LRIG1: variants seen among roughly 807,000 people sequenced by gnomAD.
The protein encoded by LRIG1 is leucine rich repeats and immunoglobulin like domains 1.
LRIG1 carries 48 observed loss-of-function variants against 99.2 expected under a neutral mutation model. That is an observed-to-expected ratio of 0.48 (90% CI 0.38 to 0.62). The LOEUF is 0.62. Ranked by LOEUF, LRIG1 falls within the 20% of genes least tolerant of loss-of-function variation. The pLI, the probability that LRIG1 is intolerant of heterozygous loss-of-function variation, is 0.00. For missense variants in LRIG1, 1,646 were observed against 1,434.4 expected (o/e 1.15, Z -2.38); for synonymous variants, 772 against 596.1 (o/e 1.29, Z -4.30).
chr3:66,491,676 C>T (rs1701104660), intron 1 of LRIG1, among the ~76,000 whole-genome samples: 1 of 151,758 alleles, frequency 6.6e-6, no homozygotes, highest in South Asian at 2.1e-4. Flanking sequence ...AAGCTGTTAA[C>T]TTAAAAAAAA....
intron 3 of LRIG1, among the ~76,000 whole-genome samples, chr3:66,424,484 A>G (rs1173868551): frequency 6.6e-6 from 1 of 152,238 alleles, no homozygotes; most frequent in Non-Finnish European, 1.5e-5. Context: ...TTCCACCTTC[A>G]GGAAACTATC....
In LRIG1 at chr3:66,384,116, T is replaced by C. The variant is rs760063219; in HGVS notation, c.1946A>G (p.His649Arg). ...DFPAARERRM[H>R]VMPDDDVFFI... ...AAACACGTCGTCATCCGGCATGACA[T>C]GCATGCGTCGCTCACGGGCAGCGGG... is the stretch of plus-strand genomic sequence containing the variant. Residue 649 changes from histidine to arginine, a missense_variant, in exon 14 of 19, where the codon CAT (histidine) becomes CGT (arginine). Transcript: ENST00000273261. The C allele has an allele frequency of 1.9e-6, 3 of 1,614,214 alleles. No individual in the cohort carries two copies. Among genetic ancestry groups the C allele is most frequent in the Admixed American group, 1.7e-5 (1 of 60,030 alleles).
rs775148095 is a variant in LRIG1, at chr3:66,417,245, G to T, written c.387C>A (p.Ser129Arg). ...AGGCCTTCAGCTGGCTCCCCTCCAC[G>T]CTGCGAATCTTGTTGTGCTGCCTGA... ...SLFLQHNKIR[S>R]VEGSQLKAYL... is the part of the protein sequence containing the mutation. The change falls in exon 4 of 19, where the codon AGC (serine) becomes AGA (arginine). Residue 129 changes from serine (S) to arginine (R), a missense_variant. Coordinates refer to ENST00000273261, the MANE Select transcript of LRIG1 (RefSeq NM_015541.3). The T allele has an allele frequency of 6.8e-6, 11 of 1,613,860 alleles. No homozygotes were observed. Among genetic ancestry groups the T allele is most frequent in the African/African-American group, 1.3e-5 (1 of 74,912 alleles).
chr3:66,430,281 A>T (rs1278724092), intron 3 of LRIG1, among the ~76,000 whole-genome samples: 1 of 152,246 alleles, frequency 6.6e-6, no homozygotes, highest in African/African-American at 2.4e-5. Context: ...TAACTTTTTT[A>T]AAAAAGGTAG....
chr3:66,408,569 C>T (rs781659484), intron 7 of LRIG1, among the ~76,000 whole-genome samples: 9 of 152,186 alleles, frequency 5.9e-5, no homozygotes, highest in Non-Finnish European at 7.3e-5. Context: ...AGACAGCATG[C>T]CATCCCTGGG....
intron 1 of LRIG1, among the ~76,000 whole-genome samples, chr3:66,464,389 T>C (rs1235894313): frequency 6.6e-6 from 1 of 151,796 alleles, no homozygotes; most frequent in Non-Finnish European, 1.5e-5. Context: ...GCCGCACACC[T>C]AAAGGGGCAT....
intron 4 of LRIG1, 33 bp downstream of exon 4, chr3:66,417,096 G>T (rs753546684): frequency 6.2e-7 from 1 of 1,607,990 alleles, no homozygotes; most frequent in South Asian, 1.1e-5. Context: ...GACACAGCGG[G>T]CCAGCCACAG....
At chr3:66,387,704 T>C (rs1206221184) in intron 12 of LRIG1, 1 of 152,088 alleles carries the variant, frequency 6.6e-6, no homozygotes, top group Admixed American at 6.5e-5. Flanking sequence ...AGAAACTGTC[T>C]CTGAGGGAGC....
intron 1 of LRIG1, among the ~76,000 whole-genome samples, chr3:66,467,489 A>G (rs1329494193): frequency 1.3e-5 from 2 of 151,518 alleles, no homozygotes; most frequent in Non-Finnish European, 1.5e-5. Flanking sequence ...CCTCCCCAGT[A>G]GCTGGGACTA....
chr3:66,380,257 C>A lies in LRIG1; in HGVS notation c.*6G>T. 6.2e-7 allele frequency: 1 copy of A among 1,607,786 alleles called. No homozygotes were observed. Among genetic ancestry groups the A allele is most frequent in the Non-Finnish European group, 8.5e-7 (1 of 1,176,250 alleles). The stretch of plus-strand genomic sequence containing the variant: ...TTGGTATGACAAGAACTGAGGTAGA[C>A]AAAACCTAGCTTTTTGGTGCCAACA... On this transcript the variant is annotated 3_prime_UTR_variant, in exon 19 of 19. Transcript: ENST00000273261.
At chr3:66,495,606 A>G (rs937385384) in intron 1 of LRIG1, among the ~76,000 whole-genome samples, 6 of 152,242 alleles carry the variant, frequency 3.9e-5, no homozygotes, top group Non-Finnish European at 8.8e-5. Context: ...CCTTTACTGC[A>G]TATAACAACT....
intron 9 of LRIG1, chr3:66,404,239 G>A: frequency 1.6e-6 from 2 of 1,289,072 alleles, no homozygotes; most frequent in Non-Finnish European, 2.0e-6. Context: ...CCCTACCACA[G>A]GCTCTCCTCT....
chr3:66,423,540 CA>C (rs1702886868), intron 3 of LRIG1, among the ~76,000 whole-genome samples: 1 of 152,228 alleles, frequency 6.6e-6, no homozygotes. Context: ...CACCGCACTC[CA>C]GCCTGGGCAA....
chr3:66,446,271 G>A (rs568162091), intron 3 of LRIG1, among the ~76,000 whole-genome samples: 15 of 152,170 alleles, frequency 9.9e-5, no homozygotes, highest in Non-Finnish European at 1.6e-4. Context: ...ACTCACCCCC[G>A]GGGAAGGGGG....
chr3:66,394,019 A>T (rs772466220), intron 12 of LRIG1, 21 bp downstream of exon 12: 45 of 1,613,204 alleles, frequency 2.8e-5, no homozygotes, highest in Non-Finnish European at 1.7e-6. Flanking sequence ...AGGAGAGAAA[A>T]AGTTACAAAG....
intron 6 of LRIG1, among the ~76,000 whole-genome samples, chr3:66,411,683 G>A (rs2106674721): frequency 6.6e-6 from 1 of 152,240 alleles, no homozygotes; most frequent in Non-Finnish European, 1.5e-5. Flanking sequence ...CGTTTCCACT[G>A]CCAAGAAAAC....
intron 5 of LRIG1, among the ~76,000 whole-genome samples, chr3:66,413,930 T>C (rs1200864362): frequency 6.6e-6 from 1 of 152,022 alleles, no homozygotes; most frequent in East Asian, 1.9e-4. Context: ...TACTGTCTTA[T>C]TTTCCTGAAA....
chr3:66,402,915 G>A (rs1235492098), intron 9 of LRIG1, among the ~76,000 whole-genome samples: 1 of 152,130 alleles, frequency 6.6e-6, no homozygotes, highest in South Asian at 2.1e-4. Flanking sequence ...AAGAGGCACT[G>A]GGTTCTTCCT....
At position 66,380,618 on chromosome 3, in the gene LRIG1, G is replaced by A. The variant is rs764686627; in HGVS notation, c.3014C>T (p.Thr1005Met). The A allele has an allele frequency of 1.7e-5, 28 of 1,614,034 alleles. No homozygotes were observed. Among genetic ancestry groups the A allele is most frequent in the African/African-American group, 4.0e-5 (3 of 74,928 alleles). Reference sequence around the variant, plus strand: ...TGCCATTGGCTTTTTCTTCACAGCCGTCAGCATTCTATCGTGGTTACTGGG... The same window carrying A: ...TGCCATTGGCTTTTTCTTCACAGCCATCAGCATTCTATCGTGGTTACTGGG... ...LYPSNHDRML[T>M]AVKKKPMASL... is the part of the protein sequence containing the mutation. The change falls in exon 18 of 19, where the codon ACG becomes ATG. Residue 1005 changes from threonine (T) to methionine (M), a missense_variant. Thr to Met is a moderately conservative substitution (Grantham distance 81). Transcript: ENST00000273261.
Sources: gnomAD v4.1 joint callset for allele counts (sites outside exome capture counted in the v4.1 genomes callset) on GRCh38, gnomAD v4.1.1 for gene constraint, MANE v1.5 for transcripts, NCBI Gene and HGNC (gene_info 2026-07-23, HGNC 2026-07-21) for gene names.